ZBTB20: variants seen among roughly 807,000 people sequenced by gnomAD.
The protein encoded by ZBTB20 is zinc finger and BTB domain-containing protein 20.
Under a neutral mutation model 56.9 loss-of-function variants are expected in ZBTB20, and 9 were observed. The ratio of observed to expected loss-of-function variants is 0.16; its 90% confidence interval spans 0.10 to 0.28. The LOEUF (loss-of-function observed/expected upper bound fraction) is 0.28. Ranked by LOEUF, ZBTB20 falls within the 10% of genes least tolerant of loss-of-function variation. The pLI is 1.00. For missense variants in ZBTB20, 655 were observed against 1,003.0 expected (o/e 0.65, Z 4.69); for synonymous variants, 417 against 420.7 (o/e 0.99, Z 0.11).
chr3:114,862,645 T>C (rs1358475617), intron 4 of ZBTB20, among the ~76,000 whole-genome samples: 1 of 152,172 alleles, frequency 6.6e-6, no homozygotes, highest in Non-Finnish European at 1.5e-5. Flanking sequence ...TATTCACTAT[T>C]GTATGCTCCG....
intron 6 of ZBTB20, among the ~76,000 whole-genome samples, chr3:114,577,338 G>T (rs137999843): frequency 1.8e-4 from 27 of 152,096 alleles, no homozygotes; most frequent in Non-Finnish European, 3.4e-4. Flanking sequence ...CCTTCAGTTT[G>T]TGAAAAACTC....
chr3:114,560,013 T>G (rs2051803671), intron 6 of ZBTB20, among the ~76,000 whole-genome samples: 1 of 152,182 alleles, frequency 6.6e-6, no homozygotes, highest in South Asian at 2.1e-4. Flanking sequence ...AAAAAATATA[T>G]AATTCTAAAT....
chr3:114,605,899 A>G (rs1000893805), intron 6 of ZBTB20, among the ~76,000 whole-genome samples: 3 of 152,134 alleles, frequency 2.0e-5, no homozygotes, highest in Admixed American at 6.5e-5. Flanking sequence ...CAGACAGAGG[A>G]TAGAGTGATG....
chr3:114,547,691 A>G (rs1366009436), intron 6 of ZBTB20, among the ~76,000 whole-genome samples: 2 of 152,226 alleles, frequency 1.3e-5, no homozygotes, highest in East Asian at 3.8e-4. Context: ...CTAATGTTAC[A>G]TAACAGCTTA....
chr3:115,131,772 G>A (rs1344199120), intron 1 of ZBTB20, among the ~76,000 whole-genome samples: 1 of 152,126 alleles, frequency 6.6e-6, no homozygotes, highest in Non-Finnish European at 1.5e-5. Context: ...CTGTTAAGGT[G>A]CAAAATGGGA....
At chr3:115,129,107 AAAG>A (rs1182294832) in intron 1 of ZBTB20, among the ~76,000 whole-genome samples, 2 of 152,240 alleles carry the variant, frequency 1.3e-5, no homozygotes, top group Admixed American at 6.5e-5. Context: ...TCAAAAAAAA[AAAG>A]ATCTCTCTTT....
At chr3:114,426,533 C>G (rs2089689035) in intron 7 of ZBTB20, among the ~76,000 whole-genome samples, 1 of 149,358 alleles carries the variant, frequency 6.7e-6, no homozygotes, top group African/African-American at 2.5e-5. Context: ...CTGTCAGCAT[C>G]CGGTGCCACT....
In ZBTB20 at chr3:115,049,576, C is replaced by G. The variant is rs957404363; in HGVS notation, c.-507+21643G>C. Among the ~76,000 whole-genome samples, 57 of 152,134 alleles carry G rather than the reference C, an allele frequency of 3.7e-4. 1 individual carries two copies. The highest frequency in any genetic ancestry group is 1.4e-3 in the African/African-American group (57 of 41,444). ...TTTTATAATAATTTTGTGCACCTCT[C>G]AAGTGAAGTTAGGTGTGAAATTTTC... On this transcript the variant is annotated intron_variant, in intron 2 of 11. Transcript: ENST00000675478.
chr3:114,379,005 T>C (rs1244178798), intron 10 of ZBTB20: 1 of 152,242 alleles, frequency 6.6e-6, no homozygotes. Context: ...CAACCTTAAA[T>C]AGAACAAGCT....
chr3:114,773,630 G>T (rs79890983), intron 5 of ZBTB20, among the ~76,000 whole-genome samples: 5,436 of 152,142 alleles, frequency 0.036, 329 homozygotes, highest in African/African-American at 0.12. Flanking sequence ...TACTAACAGT[G>T]CAACATTACT....
chr3:114,672,080 C>T (rs2061387737), intron 6 of ZBTB20, among the ~76,000 whole-genome samples: 1 of 151,938 alleles, frequency 6.6e-6, no homozygotes, highest in Non-Finnish European at 1.5e-5. Context: ...AATGCCTTGT[C>T]CCAGTTTTTG....
chr3:114,632,947 G>C (rs774903669), intron 6 of ZBTB20, among the ~76,000 whole-genome samples: 1 of 152,162 alleles, frequency 6.6e-6, no homozygotes, highest in Non-Finnish European at 1.5e-5. Flanking sequence ...CAACTGTGCA[G>C]GCCAAACATT....
At chr3:114,699,937 A>C (rs981266170) in intron 5 of ZBTB20, among the ~76,000 whole-genome samples, 1 of 152,132 alleles carries the variant, frequency 6.6e-6, no homozygotes, top group Admixed American at 6.6e-5. Flanking sequence ...GCACAGACTA[A>C]ATCAAAGTTG....
At chr3:115,001,697 T>A (rs1365104877) in intron 2 of ZBTB20, among the ~76,000 whole-genome samples, 1 of 151,406 alleles carries the variant, frequency 6.6e-6, no homozygotes, top group African/African-American at 2.4e-5. Flanking sequence ...AAAATATGTA[T>A]AAGATCTATT....
chr3:114,755,187 G>A (rs1388287432), intron 5 of ZBTB20, among the ~76,000 whole-genome samples: 3 of 152,042 alleles, frequency 2.0e-5, no homozygotes, highest in Non-Finnish European at 4.4e-5. Flanking sequence ...TAGGCTACAA[G>A]GTAATATAAT....
intron 4 of ZBTB20, among the ~76,000 whole-genome samples, chr3:114,843,638 G>A (rs1183103626): frequency 6.6e-6 from 1 of 151,906 alleles, no homozygotes; most frequent in African/African-American, 2.4e-5. Flanking sequence ...TAAAGCTCTG[G>A]GATTACAGGC....
At chr3:114,460,731 A>G (rs138354848) in intron 7 of ZBTB20, among the ~76,000 whole-genome samples, 2 of 152,198 alleles carry the variant, frequency 1.3e-5, no homozygotes, top group African/African-American at 2.4e-5. Flanking sequence ...ATTTGTTATA[A>G]CAGCCATAGG....
intron 3 of ZBTB20, among the ~76,000 whole-genome samples, chr3:114,973,742 C>A (rs2077982828): frequency 6.6e-6 from 1 of 152,114 alleles, no homozygotes; most frequent in African/African-American, 2.4e-5. Context: ...ACTGGAAAAT[C>A]TAACCATGCA....
chr3:114,937,515 G>A (rs1003241125), intron 3 of ZBTB20, among the ~76,000 whole-genome samples: 4 of 151,594 alleles, frequency 2.6e-5, no homozygotes, highest in Non-Finnish European at 5.9e-5. Flanking sequence ...TCCGGCTCCC[G>A]CGTTCAAGTG....
Sources: allele counts gnomAD v4.1 joint callset (sites outside exome capture counted in the v4.1 genomes callset), GRCh38; gene constraint gnomAD v4.1.1; transcripts MANE v1.5; gene names NCBI Gene and HGNC (gene_info 2026-07-23, HGNC 2026-07-21).